The following DNAJC6 variants were observed in gnomAD, a reference collection of about 807,000 sequenced individuals.
The protein encoded by DNAJC6 is DnaJ heat shock protein family (Hsp40) member C6.
DNAJC6 carries 34 observed loss-of-function variants against 110.0 expected under a neutral mutation model. The observed-to-expected ratio is 0.31, with a 90% confidence interval of 0.24 to 0.41. The LOEUF is 0.41. DNAJC6 is among the 10% of genes least tolerant of loss of function. The pLI, the probability that DNAJC6 is intolerant of heterozygous loss-of-function variation, is 1.00. For missense variants in DNAJC6, 1,031 were observed against 1,207.8 expected, an observed-to-expected ratio of 0.85 and a Z score of 2.17; for synonymous variants, 406 against 437.2, an observed-to-expected ratio of 0.93 and a Z score of 0.89.
intron 4 of DNAJC6, among the ~76,000 whole-genome samples, chr1:65,377,753 A>G (rs1645779898): frequency 6.6e-6 from 1 of 152,238 alleles, no homozygotes. Flanking sequence ...TCCTAGTCGT[A>G]TTTTGATTAT....
intron 1 of DNAJC6, among the ~76,000 whole-genome samples, chr1:65,348,621 T>C (rs554047698): frequency 1.3e-5 from 2 of 152,206 alleles, no homozygotes; most frequent in South Asian, 4.1e-4. Flanking sequence ...TAATATTTTC[T>C]CATCCTTTGC....
intron 1 of DNAJC6, among the ~76,000 whole-genome samples, chr1:65,328,986 T>A (rs1200453411): frequency 6.6e-6 from 1 of 152,210 alleles, no homozygotes. Flanking sequence ...CCTGATTATG[T>A]TCTGTATTTT....
intron 5 of DNAJC6, among the ~76,000 whole-genome samples, chr1:65,380,367 T>A (rs571811816): frequency 2.6e-5 from 4 of 152,364 alleles, no homozygotes; most frequent in South Asian, 4.1e-4. Context: ...ATGTTTTTGC[T>A]ATAGTATTAC....
intron 5 of DNAJC6, among the ~76,000 whole-genome samples, chr1:65,383,225 G>T (rs1645839925): frequency 6.6e-6 from 1 of 152,220 alleles, no homozygotes; most frequent in Non-Finnish European, 1.5e-5. Context: ...AGCTTGAGCT[G>T]CTGTAACAAA....
chr1:65,291,519 G>C (rs1465715347), intron 1 of DNAJC6, among the ~76,000 whole-genome samples: 1 of 152,116 alleles, frequency 6.6e-6, no homozygotes, highest in South Asian at 2.1e-4. Context: ...AAATGGATTT[G>C]AGTCACTTAG....
Position 65,386,929 on chromosome 1 carries a change from G to A in DNAJC6, c.1113G>A (p.Lys371=), listed in dbSNP as rs144924736. Residue 371 remains lysine, a splice_region_variant and synonymous_variant, in exon 8 of 19, where the codon AAG becomes AAA. Transcript: ENST00000371069. ...RSTIGSRLQA[K]VTNTQIFQLQ... is the part of the protein sequence containing the mutation. Reference sequence around the variant, plus strand: ...CCATTGGGAGCCGGCTACAGGCTAAGGTATGGTTTTTGGAAGAATCATGGC... The same window carrying A: ...CCATTGGGAGCCGGCTACAGGCTAAAGTATGGTTTTTGGAAGAATCATGGC... The A allele has an allele frequency of 3.7e-5, 60 of 1,612,810 alleles. No homozygotes were observed. The African/African-American group carries it at 6.9e-4, about 19-fold the overall frequency.
chr1:65,399,563 C>A (rs1243246463), intron 14 of DNAJC6, among the ~76,000 whole-genome samples: 2 of 152,124 alleles, frequency 1.3e-5, no homozygotes, highest in East Asian at 3.9e-4. Flanking sequence ...TAACATTTAC[C>A]CTGCCAATAA....
chr1:65,367,835 C>G (rs919322509), intron 4 of DNAJC6, among the ~76,000 whole-genome samples: 6 of 150,588 alleles, frequency 4.0e-5, no homozygotes, highest in Admixed American at 2.6e-4. Flanking sequence ...AAACACCTAC[C>G]CTGGGCTGCT....
chr1:65,395,106 A>C, intron 13 of DNAJC6, 74 bp downstream of exon 13: 1 of 1,426,772 alleles, frequency 7.0e-7, no homozygotes, highest in Non-Finnish European at 9.2e-7. Context: ...TCATATATAA[A>C]AGCACCCTGT....
intron 16 of DNAJC6, among the ~76,000 whole-genome samples, chr1:65,407,832 G>A (rs796115638): frequency 6.6e-6 from 1 of 152,182 alleles, no homozygotes; most frequent in Non-Finnish European, 1.5e-5. Context: ...TTACAGTATA[G>A]AGATAGCAAA....
At chr1:65,308,302 T>C (rs997052047), upstream of DNAJC6, among the ~76,000 whole-genome samples, 34 of 152,238 alleles carry the variant, frequency 2.2e-4, no homozygotes, top group Non-Finnish European at 1.8e-4. Flanking sequence ...TTTCCTGTTT[T>C]GGTGAGGAAA....
chr1:65,305,319 A>G (rs1645027386), upstream of DNAJC6, among the ~76,000 whole-genome samples: 1 of 152,232 alleles, frequency 6.6e-6, no homozygotes, highest in African/African-American at 2.4e-5. Flanking sequence ...ACATTCAAAA[A>G]CATTTATAAT....
intron 1 of DNAJC6, among the ~76,000 whole-genome samples, chr1:65,272,465 T>C (rs2101160617): frequency 6.6e-6 from 1 of 152,214 alleles, no homozygotes; most frequent in East Asian, 1.9e-4. Context: ...TCTTTGTCCA[T>C]GAGAGAGATT....
intron 1 of DNAJC6, among the ~76,000 whole-genome samples, chr1:65,338,339 T>G (rs1645357657): frequency 6.6e-6 from 1 of 152,024 alleles, no homozygotes; most frequent in Admixed American, 6.6e-5. Flanking sequence ...CAGGTTAAGG[T>G]AGTTTTGTTT....
At chr1:65,389,173 C>T in intron 9 of DNAJC6, 83 bp from the exon 10 acceptor site, 1 of 1,268,954 alleles carries the variant, frequency 7.9e-7, no homozygotes, top group Non-Finnish European at 1.1e-6. Context: ...ACCTAAGAGT[C>T]AACCTAAGAT....
chr1:65,403,065 A>G (rs1344299073), intron 15 of DNAJC6, among the ~76,000 whole-genome samples: 1 of 152,254 alleles, frequency 6.6e-6, no homozygotes, highest in Admixed American at 6.5e-5. Context: ...CTGCCTTAAT[A>G]AAACTTACAT....
chr1:65,394,159 T>C (rs916342138), intron 12 of DNAJC6, among the ~76,000 whole-genome samples: 1 of 152,226 alleles, frequency 6.6e-6, no homozygotes, highest in African/African-American at 2.4e-5. Context: ...CATGATTTCA[T>C]TCATCATAGT....
At chr1:65,308,894 C>G (rs1645068841), upstream of DNAJC6, among the ~76,000 whole-genome samples, 1 of 151,896 alleles carries the variant, frequency 6.6e-6, no homozygotes, top group Admixed American at 6.6e-5. Flanking sequence ...ACGCTGCCTC[C>G]TAGTATTAGA....
intron 7 of DNAJC6, 73 bp from the exon 8 acceptor site, chr1:65,386,739 A>C: frequency 2.3e-5 from 29 of 1,288,430 alleles, no homozygotes; most frequent in Non-Finnish European, 2.9e-5. Flanking sequence ...AGCCATAGAG[A>C]ACTATACCTG....
Sources: allele counts gnomAD v4.1 joint callset (sites outside exome capture counted in the v4.1 genomes callset), GRCh38; gene constraint gnomAD v4.1.1; transcripts MANE v1.5; gene names NCBI Gene and HGNC (gene_info 2026-07-23, HGNC 2026-07-21).